Variants in EPS15L1 observed in about 807,000 individuals in gnomAD.
EPS15L1 encodes epidermal growth factor receptor pathway substrate 15 like 1, also known as epidermal growth factor receptor substrate 15-like 1.
A neutral mutation model predicts 117.1 loss-of-function variants in EPS15L1; 43 were observed. The observed-to-expected ratio is 0.37, with a 90% confidence interval of 0.29 to 0.47. The LOEUF is 0.47. Ranked by LOEUF, EPS15L1 falls within the 20% of genes least tolerant of loss-of-function variation. The pLI, the probability that EPS15L1 is intolerant of heterozygous loss-of-function variation, is 0.99. For missense variants in EPS15L1, 981 were observed against 1,164.0 expected, an observed-to-expected ratio of 0.84 and a Z score of 2.29; for synonymous variants, 459 against 470.5, an observed-to-expected ratio of 0.98 and a Z score of 0.32.
At chr19:16,422,220 G>C (rs1167575158) in intron 9 of EPS15L1, among the ~76,000 whole-genome samples, 1 of 152,212 alleles carries the variant, frequency 6.6e-6, no homozygotes, top group Non-Finnish European at 1.5e-5. Flanking sequence ...TAACTTGAGA[G>C]AGGCAAACGC....
At chr19:16,394,149 C>T in intron 17 of EPS15L1, 148 bp from the exon 18 acceptor site, 2 of 693,618 alleles carry the variant, frequency 2.9e-6, no homozygotes, top group Non-Finnish European at 5.1e-6. Context: ...CTCTACTATC[C>T]ACCTGCCCTC....
intron 1 of EPS15L1, among the ~76,000 whole-genome samples, chr19:16,449,302 T>A (rs753086594): frequency 6.6e-6 from 1 of 151,912 alleles, no homozygotes; most frequent in African/African-American, 2.4e-5. Flanking sequence ...GAAAAGAACA[T>A]GGGCAAAAGA....
intron 8 of EPS15L1, among the ~76,000 whole-genome samples, chr19:16,425,754 G>A (rs1196239728): frequency 6.6e-6 from 1 of 152,160 alleles, no homozygotes; most frequent in African/African-American, 2.4e-5. Flanking sequence ...GCAGTGAGCT[G>A]TGATCGCGCC....
intron 1 of EPS15L1, among the ~76,000 whole-genome samples, chr19:16,442,562 C>T (rs2093042980): frequency 6.6e-6 from 1 of 152,182 alleles, no homozygotes; most frequent in Non-Finnish European, 1.5e-5. Context: ...GGAAAGGACA[C>T]TCTATCCTCT....
intron 9 of EPS15L1, among the ~76,000 whole-genome samples, chr19:16,424,301 C>T (rs1283856678): frequency 3.9e-5 from 6 of 152,150 alleles, no homozygotes; most frequent in Non-Finnish European, 8.8e-5. Flanking sequence ...CCAATGCCGT[C>T]GTGGGGGCAG....
rs1462925837 is a variant in EPS15L1, at chr19:16,425,088, T to A, written c.787A>T (p.Thr263Ser). 2.5e-6 allele frequency: 4 copies of A among 1,613,902 alleles called. No homozygotes were observed. In the East Asian group the frequency reaches 8.9e-5, roughly 36 times the overall value. The change falls in exon 9 of 24, where the codon ACA becomes TCA. Residue 263 changes from threonine to serine, a missense_variant. Around this residue, in one of 5 missense-constraint regions of EPS15L1, gnomAD observed 819 missense variants for 949.0 expected, o/e 0.86. Coordinates refer to ENST00000455140, the MANE Select transcript of EPS15L1 (RefSeq NM_001258374.3). ...SLSPKHSLKQ[T>S]QPTVNWVVPV... is the part of the protein sequence containing the mutation. ...GCCCGCTGAGGGCTCCGTACCTGTG[T>A]TTGCTTGAGGCTGTGCTTGGGGGAC...
At chr19:16,451,187 G>A (rs2093138620) in intron 1 of EPS15L1, among the ~76,000 whole-genome samples, 1 of 152,080 alleles carries the variant, frequency 6.6e-6, no homozygotes, top group Non-Finnish European at 1.5e-5. Context: ...CTGACCTCAG[G>A]TGATCTGCCT....
chr19:16,375,934 C>A (rs949232533), intron 22 of EPS15L1, among the ~76,000 whole-genome samples: 3 of 152,210 alleles, frequency 2.0e-5, no homozygotes, highest in Non-Finnish European at 4.4e-5. Context: ...AGGTGCAGGA[C>A]CGAGGGTCAC....
chr19:16,467,559 G>A (rs1198614286), intron 1 of EPS15L1, among the ~76,000 whole-genome samples: 5 of 152,032 alleles, frequency 3.3e-5, no homozygotes, highest in African/African-American at 4.8e-5. Flanking sequence ...AAACAGGCCA[G>A]TGCAGGTCAA....
rs116420336 is a variant in EPS15L1 at position 16,371,285 on chromosome 19, C to T, written c.2380+5837G>A. Among the ~76,000 whole-genome samples the T allele has an allele frequency of 4.8e-3, 727 of 152,216 alleles. 5 individuals carry two copies. Among genetic ancestry groups the T allele is most frequent in the African/African-American group, 0.016 (665 of 41,512 alleles). ...TCCTCGGTGGCTGCATCCTGTGTGG[C>T]ACCCCCGGCAGGGAGGTCAAGAACT... is the stretch of plus-strand genomic sequence containing the variant. On this transcript the variant is annotated intron_variant, in intron 22 of 23. Transcript: ENST00000455140. This position sits in a 1 kb window ranked among gnomAD's most constrained non-coding sequence, Gnocchi z 4.7.
intron 1 of EPS15L1, among the ~76,000 whole-genome samples, chr19:16,449,948 T>C (rs772822422): frequency 6.6e-6 from 1 of 152,094 alleles, no homozygotes; most frequent in Admixed American, 6.5e-5. Context: ...ATTAAAATGA[T>C]AAAATTGTAG....
chr19:16,396,593 A>T (rs1001682277), intron 16 of EPS15L1, among the ~76,000 whole-genome samples: 1 of 152,202 alleles, frequency 6.6e-6, no homozygotes, highest in Non-Finnish European at 1.5e-5. Flanking sequence ...TAAATCTAAA[A>T]ACTATTCTAA....
At position 16,418,076 on chromosome 19, in the gene EPS15L1, T is replaced by C. The variant is rs749220960; in HGVS notation, c.979A>G (p.Lys327Glu). 1.2e-6 allele frequency: 2 copies of C among 1,614,028 alleles called. No individual in the cohort carries two copies. Among genetic ancestry groups the C allele is most frequent in the South Asian group, 2.2e-5 (2 of 91,082 alleles). Residue 327 changes from lysine (K) to glutamate (E), a missense_variant, in exon 11 of 24, where the codon AAG (lysine) becomes GAG (glutamate). Lys to Glu is a moderately conservative substitution (Grantham distance 56). This residue lies in a region of EPS15L1 where 819 missense variants were observed against 949.0 expected (regional missense o/e 0.86). Coordinates refer to ENST00000455140, the MANE Select transcript of EPS15L1 (RefSeq NM_001258374.3). ...WALADTRQTG[K>E]LSKDQFALAM... ...AACGCGAATTGGTCTTTGCTTAACT[T>C]CCCCGTTTGCCTCGTATCGGCCAGG...
chr19:16,393,794 C>T (rs1465494313), intron 18 of EPS15L1, among the ~76,000 whole-genome samples, 157 bp downstream of exon 18: 1 of 152,060 alleles, frequency 6.6e-6, no homozygotes, highest in East Asian at 1.9e-4. Flanking sequence ...CAGAAGGGAA[C>T]GGGACCGAGA....
At chr19:16,409,022 G>C (rs752900292) in intron 13 of EPS15L1, among the ~76,000 whole-genome samples, 2 of 152,078 alleles carry the variant, frequency 1.3e-5, no homozygotes, top group African/African-American at 2.4e-5. Context: ...AGGTGTTTGA[G>C]ATGAGCCTGA....
At chr19:16,431,980 C>T (rs1568446468) in intron 7 of EPS15L1, among the ~76,000 whole-genome samples, 1 of 152,238 alleles carries the variant, frequency 6.6e-6, no homozygotes, top group Non-Finnish European at 1.5e-5. Flanking sequence ...ACGTGAAACC[C>T]GAATATACAG....
intron 4 of EPS15L1, chr19:16,440,634 AG>A: frequency 3.2e-6 from 1 of 314,376 alleles, no homozygotes; most frequent in Non-Finnish European, 5.7e-6. Flanking sequence ...AAACATTAAA[AG>A]AAAAATAAAT....
At chr19:16,388,689 T>C (rs1461082862) in intron 19 of EPS15L1, among the ~76,000 whole-genome samples, 1 of 151,908 alleles carries the variant, frequency 6.6e-6, no homozygotes, top group Admixed American at 6.6e-5. Flanking sequence ...TAGCTGGGCA[T>C]AGTGGCGGGC....
chr19:16,428,193 T>C (rs2092891683), intron 8 of EPS15L1, among the ~76,000 whole-genome samples: 1 of 131,952 alleles, frequency 7.6e-6, no homozygotes, highest in Admixed American at 8.4e-5. Flanking sequence ...AGAGCAAGAC[T>C]CCGTATCAAA....
Sources: gnomAD v4.1 joint callset for allele counts (sites outside exome capture counted in the v4.1 genomes callset) on GRCh38, gnomAD v4.1.1 for gene constraint, gnomAD v4.1.1 regional missense constraint, Gnocchi (gnomAD v3.1) non-coding constraint, MANE v1.5 for transcripts, NCBI Gene and HGNC (gene_info 2026-07-23, HGNC 2026-07-21) for gene names.